SIPA1L1: variants seen among roughly 807,000 people sequenced by gnomAD.
SIPA1L1 encodes the protein signal induced proliferation associated 1 like 1, also known as signal-induced proliferation-associated 1-like protein 1.
Under a neutral mutation model 162.7 loss-of-function variants are expected in SIPA1L1, and 26 were observed. The observed-to-expected ratio is 0.16, with a 90% confidence interval of 0.12 to 0.22. SIPA1L1 has a LOEUF of 0.22. Among genes scored for constraint, SIPA1L1 ranks in the 10% least tolerant of loss-of-function variants. The pLI is 1.00. For synonymous variants in SIPA1L1, 829 were observed against 837.4 expected (o/e 0.99, Z 0.17); for missense variants, 1,874 against 2,241.0 (o/e 0.84, Z 3.31).
chr14:71,611,443 G>T (rs940016127), intron 5 of SIPA1L1, among the ~76,000 whole-genome samples: 1 of 147,024 alleles, frequency 6.8e-6, no homozygotes, highest in Middle Eastern at 3.2e-3. Context: ...TGTGCAGGAC[G>T]TGCAGGTTTG....
intron 2 of SIPA1L1, among the ~76,000 whole-genome samples, chr14:71,356,597 T>C (rs1594977361): frequency 2.9e-5 from 1 of 34,942 alleles, no homozygotes. Flanking sequence ...AGCACACCTG[T>C]TGTCCTAGCT....
intron 2 of SIPA1L1, among the ~76,000 whole-genome samples, chr14:71,495,720 C>A (rs1359757416): frequency 6.6e-6 from 1 of 151,204 alleles, no homozygotes; most frequent in East Asian, 1.9e-4. Flanking sequence ...CGATTGAGAT[C>A]TTTCTTATTT....
chr14:71,429,012 A>C (rs900279873), intron 2 of SIPA1L1, among the ~76,000 whole-genome samples: 4 of 152,192 alleles, frequency 2.6e-5, no homozygotes, highest in African/African-American at 9.7e-5. Context: ...CTGCCAGTGC[A>C]TCTATTGTCT....
At chr14:71,654,923 G>C (rs1384520082) in intron 8 of SIPA1L1, among the ~76,000 whole-genome samples, 1 of 151,858 alleles carries the variant, frequency 6.6e-6, no homozygotes. Context: ...TATAATAAGA[G>C]CATTGGATGC....
intron 4 of SIPA1L1, chr14:71,573,825 G>A: frequency 1.5e-5 from 6 of 406,938 alleles, no homozygotes; most frequent in South Asian, 1.1e-4. Context: ...TTCCTAATGT[G>A]TATAGTGTTG....
intron 1 of SIPA1L1, among the ~76,000 whole-genome samples, chr14:71,320,818 C>T (rs2032661141): frequency 6.6e-6 from 1 of 152,048 alleles, no homozygotes; most frequent in African/African-American, 2.4e-5. Context: ...GATGGGGGCG[C>T]TGAGCCTCGG....
chr14:71,418,573 G>A (rs1471128259), intron 2 of SIPA1L1, among the ~76,000 whole-genome samples: 3 of 152,202 alleles, frequency 2.0e-5, no homozygotes, highest in Admixed American at 6.5e-5. Flanking sequence ...AGGTCACACG[G>A]CAGAACTGGA....
At position 71,640,193 on chromosome 14, in the gene SIPA1L1, C is replaced by G. The variant is rs536164354; in HGVS notation, c.1819-10142C>G. ...TGCTGGGATTACAGGTGTGAGCCACCAGGCCCCCGGCCTAAACCTTGACTT... is the reference window on the plus strand; with the variant it reads ...TGCTGGGATTACAGGTGTGAGCCACGAGGCCCCCGGCCTAAACCTTGACTT... On this transcript the variant is annotated intron_variant, in intron 7 of 23. Transcript: ENST00000381232. Among the ~76,000 whole-genome samples, 3 of 152,230 alleles carry G rather than the reference C, an allele frequency of 2.0e-5. No homozygotes were observed. The East Asian group carries it at 5.8e-4, about 29-fold the overall frequency.
At position 71,588,766 on chromosome 14, in the gene SIPA1L1, A is replaced by G. The variant is rs2034907159; in HGVS notation, c.894A>G (p.Lys298=). ...SETGDSSIFR[K]LRNAKGEELG... is the part of the protein sequence containing the mutation. Reference sequence around the variant, plus strand: ...CTGGAGACTCATCTATTTTTCGTAAATTGCGCAATGCCAAAGGTGAAGAAC... The same window carrying G: ...CTGGAGACTCATCTATTTTTCGTAAGTTGCGCAATGCCAAAGGTGAAGAAC... Residue 298 remains lysine, a synonymous_variant, in exon 5 of 24, where the codon AAA becomes AAG. Coordinates refer to ENST00000381232, the MANE Select transcript of SIPA1L1 (RefSeq NM_001386936.1). The surrounding 1 kb of genome is among the most constrained non-coding windows in gnomAD (Gnocchi z 4.3). 1 of 1,613,912 alleles carries G rather than the reference A, an allele frequency of 6.2e-7. No homozygotes were observed. The highest frequency in any genetic ancestry group is 1.1e-5 in the South Asian group (1 of 91,082).
intron 4 of SIPA1L1, among the ~76,000 whole-genome samples, chr14:71,568,388 G>A (rs1171923717): frequency 6.6e-6 from 1 of 152,174 alleles, no homozygotes; most frequent in Non-Finnish European, 1.5e-5. Context: ...AGGGAATAGA[G>A]GAGCTCAGTC....
Position 71,702,263 on chromosome 14 carries a change from A to G in SIPA1L1, c.3522-118A>G, listed in dbSNP as rs974754515. On this transcript the variant is annotated intron_variant, in intron 14 of 23. Transcript: ENST00000381232. ...CCAGGGTGTGTATACAAGTACAGAC[A>G]CATAAGCAAAAACCAGTAGTGCCTG... The G allele has an allele frequency of 8.4e-6, 9 of 1,073,966 alleles. No individual in the cohort carries two copies. In the Admixed American group the frequency reaches 1.0e-4, roughly 12 times the overall value. The allele number at this position is 1,073,966 out of a possible 1,614,324, so 66.5% of individuals were successfully genotyped here.
intron 2 of SIPA1L1, among the ~76,000 whole-genome samples, chr14:71,426,486 C>CT (rs370856446): frequency 0.41 from 53,661 of 131,940 alleles, 11,330 homozygotes; most frequent in Admixed American, 0.49. Context: ...GAATTTCTTT[C>CT]TTTTTTTTTT....
intron 2 of SIPA1L1, among the ~76,000 whole-genome samples, chr14:71,451,668 T>C (rs910101623): frequency 8.0e-5 from 12 of 150,818 alleles, no homozygotes; most frequent in African/African-American, 2.9e-4. Flanking sequence ...AATTCTCTTG[T>C]AAAACATGAT....
intron 2 of SIPA1L1, among the ~76,000 whole-genome samples, chr14:71,471,181 G>A (rs537205725): frequency 2.6e-5 from 4 of 152,270 alleles, no homozygotes; most frequent in African/African-American, 9.6e-5. Context: ...ACTTAATAGT[G>A]GGAATTGGGC....
intron 10 of SIPA1L1, among the ~76,000 whole-genome samples, chr14:71,667,929 A>T (rs1469016534): frequency 6.6e-6 from 1 of 151,968 alleles, no homozygotes. Context: ...GCCAGGCGAG[A>T]TGGCGGGCCC....
intron 2 of SIPA1L1, among the ~76,000 whole-genome samples, chr14:71,484,463 T>C (rs2048595824): frequency 6.6e-6 from 1 of 152,168 alleles, no homozygotes; most frequent in Non-Finnish European, 1.5e-5. Context: ...TCTTTATATA[T>C]ATTAGCACTA....
At chr14:71,642,002 C>A (rs1259237949) in intron 7 of SIPA1L1, among the ~76,000 whole-genome samples, 1 of 152,176 alleles carries the variant, frequency 6.6e-6, no homozygotes, top group African/African-American at 2.4e-5. Context: ...CTTGCATTTA[C>A]TCTTCAGAAA....
At chr14:71,540,988 C>A (rs1043198762) in intron 4 of SIPA1L1, among the ~76,000 whole-genome samples, 4 of 152,008 alleles carry the variant, frequency 2.6e-5, no homozygotes, top group Non-Finnish European at 4.4e-5. Flanking sequence ...ATTAGCCAGA[C>A]GTGGTGGCAC....
intron 2 of SIPA1L1, among the ~76,000 whole-genome samples, chr14:71,355,218 T>C (rs1346716413): frequency 6.6e-6 from 1 of 152,258 alleles, no homozygotes; most frequent in Non-Finnish European, 1.5e-5. Context: ...TATTAACCGC[T>C]GATTACTTTT....
Sources: gnomAD v4.1 joint callset for allele counts (sites outside exome capture counted in the v4.1 genomes callset) on GRCh38, gnomAD v4.1.1 for gene constraint, Gnocchi (gnomAD v3.1) non-coding constraint, MANE v1.5 for transcripts, NCBI Gene and HGNC (gene_info 2026-07-23, HGNC 2026-07-21) for gene names.